The following PCLAF variants were observed in gnomAD, a reference collection of about 807,000 sequenced individuals.
PCLAF encodes PCNA-associated factor.
PCLAF carries 12 observed loss-of-function variants against 15.1 expected under a neutral mutation model. That is an observed-to-expected ratio of 0.79 (90% confidence interval 0.51 to 1.29). PCLAF has a LOEUF of 1.29. Among genes scored for constraint, PCLAF ranks in the 50% most tolerant of loss-of-function variants. The pLI is 0.00. For synonymous variants in PCLAF, 33 were observed against 47.1 expected (o/e 0.70, Z 1.22); for missense variants, 116 against 130.9 (o/e 0.89, Z 0.56).
intron 3 of PCLAF, among the ~76,000 whole-genome samples, chr15:64,367,101 A>G (rs571671807): frequency 6.6e-6 from 1 of 150,840 alleles, no homozygotes; most frequent in East Asian, 2.0e-4. Flanking sequence ...CCAGCCTGGG[A>G]AACAGAGCAG....
chr15:64,387,390 TAAA>T lies in PCLAF; in HGVS notation n.241+54_241+56del, dbSNP rs1899969534. On this transcript the variant is annotated intron_variant and non_coding_transcript_variant, in intron 1 of 1. Transcript: ENST00000558250. ...GTGCGAGACTCCGTCTCAAAATAAA[TAAA>T]TAAATTAATTAATTAATTAAAAAAT... 4.0e-5 allele frequency: 40 copies of T among 1,008,976 alleles called. No homozygotes were observed. The Admixed American group carries it at 7.9e-4, about 20-fold the overall frequency. The allele number at this position is 1,008,976 out of a possible 1,614,324, so 62.5% of individuals were successfully genotyped here.
At chr15:64,387,473 GT>G (rs1294246403) in exon 1 of PCLAF, 48 of 1,276,710 alleles carry the variant, frequency 3.8e-5, no homozygotes, top group Non-Finnish European at 4.8e-5. Context: ...TCCACGTGCT[GT>G]TTTATTTTAC....
chr15:64,383,956 G>T (rs966343522), upstream of PCLAF, among the ~76,000 whole-genome samples: 2 of 151,858 alleles, frequency 1.3e-5, no homozygotes, highest in Admixed American at 1.3e-4. Context: ...AAAAAAAAGT[G>T]CTGATGCCTA....
rs373344801 is a variant in PCLAF, at chr15:64,366,043, T to A, written c.323A>T (p.Asp108Val). The change falls in exon 4 of 4, where the codon GAT becomes GTT. Residue 108 changes from aspartate (D) to valine (V), a missense_variant. Physicochemically the swap from Asp to Val is radical, Grantham distance 152. Coordinates refer to ENST00000300035, the MANE Select transcript of PCLAF (RefSeq NM_014736.6). ...AATGAGAAAGTTCTATTCTTTTTCA[T>A]CATTTGTGTGATCAGGTTGCAAAGG... ...ACPLQPDHTN[D>V]EKE is the part of the protein sequence containing the mutation. 6.2e-7 allele frequency: 1 copy of A among 1,611,418 alleles called. No homozygotes were observed. Among genetic ancestry groups the A allele is most frequent in the Non-Finnish European group, 8.5e-7 (1 of 1,178,518 alleles).
At chr15:64,368,632 CATTT>C (rs1899150904) in intron 3 of PCLAF, among the ~76,000 whole-genome samples, 2 of 152,034 alleles carry the variant, frequency 1.3e-5, no homozygotes, top group Admixed American at 1.3e-4. Flanking sequence ...CTAATAAACT[CATTT>C]ATTATTTCAA....
exon 1 of PCLAF, chr15:64,387,551 A>C (rs1213753884): frequency 1.5e-6 from 2 of 1,335,690 alleles, no homozygotes; most frequent in Non-Finnish European, 1.9e-6. Context: ...TTCCCCCTAA[A>C]CTGTCGTTTT....
At chr15:64,366,557 G>A (rs1899040768) in intron 3 of PCLAF, among the ~76,000 whole-genome samples, 1 of 152,060 alleles carries the variant, frequency 6.6e-6, no homozygotes, top group African/African-American at 2.4e-5. Context: ...CCCCAAATTG[G>A]CCAGACACAG....
At chr15:64,381,994 T>A (rs891647411), upstream of PCLAF, among the ~76,000 whole-genome samples, 12 of 152,042 alleles carry the variant, frequency 7.9e-5, no homozygotes, top group African/African-American at 2.9e-4. Context: ...TAGGATGATG[T>A]GAGACTAAAC....
At chr15:64,371,889 A>C (rs1300579917) in intron 3 of PCLAF, among the ~76,000 whole-genome samples, 1 of 151,468 alleles carries the variant, frequency 6.6e-6, no homozygotes, top group African/African-American at 2.4e-5. Context: ...TAGCCACCGC[A>C]CCTGGCCCAG....
chr15:64,377,488 AATATATATAT>A (rs1166593614), intron 2 of PCLAF, among the ~76,000 whole-genome samples: 198 of 29,088 alleles, frequency 6.8e-3, no homozygotes, highest in Middle Eastern at 0.026. Context: ...AAAAAAAAAA[AATATATATAT>A]ATATATATAT....
At chr15:64,387,395 A>T (rs112815338) in intron 1 of PCLAF, 473,411 of 871,528 alleles carry the variant, frequency 0.54, 136,813 homozygotes, top group Non-Finnish European at 0.59. Flanking sequence ...ATAAATAAAT[A>T]AATTAATTAA....
intron 3 of PCLAF, among the ~76,000 whole-genome samples, chr15:64,374,056 T>C (rs1463873601): frequency 6.6e-6 from 1 of 152,174 alleles, no homozygotes; most frequent in African/African-American, 2.4e-5. Context: ...TAAAAGTTGT[T>C]AGCACAGGGT....
chr15:64,373,708 C>T (rs1042007522), intron 3 of PCLAF: 1 of 1,535,580 alleles, frequency 6.5e-7, no homozygotes, highest in Non-Finnish European at 8.7e-7. Context: ...CCATTTGGAT[C>T]AGTGTGCCGT....
chr15:64,381,622 A>G, upstream of PCLAF: 1 of 1,065,156 alleles, frequency 9.4e-7, no homozygotes, highest in Non-Finnish European at 1.3e-6. Flanking sequence ...GCAAAGGCCT[A>G]GGATTCGTAG....
chr15:64,375,307 G>A (rs928881494), intron 3 of PCLAF, among the ~76,000 whole-genome samples: 9 of 152,010 alleles, frequency 5.9e-5, no homozygotes, highest in African/African-American at 2.2e-4. Flanking sequence ...TGTATTTTTA[G>A]TAGAGACGGG....
chr15:64,386,619 AGTGTGTGTGTGT>A (rs35727456), intron 1 of PCLAF, among the ~76,000 whole-genome samples: 4 of 146,314 alleles, frequency 2.7e-5, no homozygotes, highest in South Asian at 2.2e-4. Flanking sequence ...CACCACGCCC[AGTGTGTGTGTGT>A]GTGTGTGTGT....
intron 3 of PCLAF, among the ~76,000 whole-genome samples, 195 bp downstream of exon 3, chr15:64,376,548 T>C (rs915272890): frequency 5.9e-5 from 9 of 152,096 alleles, no homozygotes; most frequent in African/African-American, 2.2e-4. Context: ...GCCTCCCAAA[T>C]AGCTAGGACA....
intron 3 of PCLAF, among the ~76,000 whole-genome samples, chr15:64,371,473 C>T (rs1899311386): frequency 6.6e-6 from 1 of 152,088 alleles, no homozygotes; most frequent in Admixed American, 6.6e-5. Flanking sequence ...ACCATTTTGG[C>T]CAGGTTAGTC....
At chr15:64,379,229 C>A (rs1899734670) in intron 2 of PCLAF, among the ~76,000 whole-genome samples, 1 of 152,026 alleles carries the variant, frequency 6.6e-6, no homozygotes, top group Non-Finnish European at 1.5e-5. Flanking sequence ...GTAATCCCAG[C>A]ACTTTGGTAG....
Sources: allele counts gnomAD v4.1 joint callset (sites outside exome capture counted in the v4.1 genomes callset), GRCh38; gene constraint gnomAD v4.1.1; transcripts MANE v1.5; gene names NCBI Gene and HGNC (gene_info 2026-07-23, HGNC 2026-07-21).